TMEM38A: variants seen among roughly 807,000 people sequenced by gnomAD.
TMEM38A encodes transmembrane protein 38A.
A neutral mutation model predicts 28.6 loss-of-function variants in TMEM38A; 17 were observed. The observed-to-expected ratio is 0.60, with a 90% confidence interval of 0.41 to 0.89. The LOEUF (loss-of-function observed/expected upper bound fraction) is 0.89, where lower values mean the gene tolerates loss of function less well. Ranked by LOEUF, TMEM38A falls within the 40% of genes least tolerant of loss-of-function variation. The pLI is 0.00. For synonymous variants in TMEM38A, 169 were observed against 166.1 expected (o/e 1.02, Z -0.14); for missense variants, 328 against 393.1 (o/e 0.83, Z 1.40).
intron 4 of TMEM38A, 63 bp from the exon 5 acceptor site, chr19:16,686,225 G>A (rs1464006517): frequency 1.5e-6 from 2 of 1,303,100 alleles, no homozygotes; most frequent in Non-Finnish European, 2.2e-6. Context: ...GGGTGTCTGG[G>A]CCAGAGTTAT....
chr19:16,675,252 G>A (rs1252278374), intron 1 of TMEM38A, among the ~76,000 whole-genome samples: 1 of 152,082 alleles, frequency 6.6e-6, no homozygotes, highest in Non-Finnish European at 1.5e-5. Flanking sequence ...TTTATTTATT[G>A]AGATAGAGTC....
rs552157814 is a variant in TMEM38A, at chr19:16,687,256, C to T, written c.672+851C>T. ...CTGAGGCAGGAGAATCGCTTGAACCCGGGAGGTGGAGGTTGCAGTGAGCTA... is the reference window on the plus strand; with the variant it reads ...CTGAGGCAGGAGAATCGCTTGAACCTGGGAGGTGGAGGTTGCAGTGAGCTA... On this transcript the variant is annotated intron_variant, in intron 5 of 5. Transcript: ENST00000187762. Among the ~76,000 whole-genome samples, 18 of 152,150 alleles carry T rather than the reference C, an allele frequency of 1.2e-4. No individual in the cohort carries two copies. The East Asian group carries it at 1.9e-3, about 16-fold the overall frequency.
Position 16,688,306 on chromosome 19 carries a change from C to A in TMEM38A, c.835C>A (p.Pro279Thr). 1 of 1,609,268 alleles carries A rather than the reference C, an allele frequency of 6.2e-7. No homozygotes were observed. Residue 279 changes from proline (P) to threonine (T), a missense_variant, in exon 6 of 6, where the codon CCC becomes ACC. Transcript: ENST00000187762. The part of the protein sequence containing the change: ...GGPGAQHSAM[P>T]AKSKEELSEG... ...GCCAGGAGCTCAGCATTCGGCCATG[C>A]CCGCCAAGTCCAAGGAGGAGTTGAG...
intron 1 of TMEM38A, among the ~76,000 whole-genome samples, chr19:16,672,134 AGGGTGAG>A (rs1194699621): frequency 6.6e-6 from 1 of 152,174 alleles, no homozygotes; most frequent in Admixed American, 6.6e-5. Context: ...TCATAACTCC[AGGGTGAG>A]GTTAGAGGAG....
rs941898806 is a variant in TMEM38A, at chr19:16,680,360, G to T, written c.282-37G>T. 8 of 1,609,112 alleles carry T rather than the reference G, an allele frequency of 5.0e-6. No individual in the cohort carries two copies. The Admixed American group carries it at 1.0e-4, about 20-fold the overall frequency. ...TCCCTACCCCCATCCTTCACAGTCT[G>T]CCCATCCCCTGGCACTCACTGTTCT... is the stretch of plus-strand genomic sequence containing the variant. On this transcript the variant is annotated intron_variant, in intron 2 of 5. Transcript: ENST00000187762.
At chr19:16,673,932 G>GAA (rs112749120) in intron 1 of TMEM38A, among the ~76,000 whole-genome samples, 4 of 139,750 alleles carry the variant, frequency 2.9e-5, no homozygotes, top group Non-Finnish European at 6.3e-5. Context: ...TACAAAAAAA[G>GAA]AAAAAAAAAA....
intron 1 of TMEM38A, among the ~76,000 whole-genome samples, chr19:16,665,227 GA>G: frequency 6.6e-6 from 1 of 152,026 alleles, no homozygotes; most frequent in South Asian, 2.1e-4. Context: ...CTGGGAGGCA[GA>G]GGTTGCGGTG....
chr19:16,679,431 G>A (rs2086769864), intron 1 of TMEM38A, among the ~76,000 whole-genome samples: 1 of 151,964 alleles, frequency 6.6e-6, no homozygotes, highest in Non-Finnish European at 1.5e-5. Flanking sequence ...GAGTAGCTGG[G>A]ATTACAGGCA....
At chr19:16,664,500 T>G (rs1427354540) in intron 1 of TMEM38A, among the ~76,000 whole-genome samples, 1 of 152,156 alleles carries the variant, frequency 6.6e-6, no homozygotes, top group Non-Finnish European at 1.5e-5. Flanking sequence ...GTGCTGGGTA[T>G]CTGTAAATTT....
In TMEM38A at chr19:16,666,434, A is replaced by AT. The variant is rs992737721; in HGVS notation, c.124+5104dup. Among the ~76,000 whole-genome samples the AT allele has an allele frequency of 1.4e-4, 21 of 147,582 alleles. No individual in the cohort carries two copies. In the South Asian group the frequency reaches 1.9e-3, roughly 14 times the overall value. On this transcript the variant is annotated intron_variant, in intron 1 of 5. Coordinates refer to ENST00000187762, the MANE Select transcript of TMEM38A (RefSeq NM_024074.4). ...TCTTGGCCAATTTAACTTTAAAAAA[A>AT]TTTTTTTTTTTCGAGACAGGGTCTT... is the stretch of plus-strand genomic sequence containing the variant.
chr19:16,666,892 G>T (rs2086705286), intron 1 of TMEM38A, among the ~76,000 whole-genome samples: 1 of 151,494 alleles, frequency 6.6e-6, no homozygotes, highest in Non-Finnish European at 1.5e-5. Flanking sequence ...GATGGAGGTT[G>T]CAGTGAGCTG....
At chr19:16,678,211 A>G (rs567690260) in intron 1 of TMEM38A, among the ~76,000 whole-genome samples, 2 of 152,250 alleles carry the variant, frequency 1.3e-5, no homozygotes, top group South Asian at 4.1e-4. Flanking sequence ...TGGGCAGATC[A>G]CAAGGTCAAG....
intron 1 of TMEM38A, among the ~76,000 whole-genome samples, chr19:16,673,070 TTTTGTTTG>T (rs762139122): frequency 3.4e-4 from 51 of 151,998 alleles, no homozygotes; most frequent in South Asian, 6.2e-4. Flanking sequence ...TTCTTTTTCT[TTTTGTTTG>T]TTTGTTTGTT....
At chr19:16,674,695 A>G (rs188445998) in intron 1 of TMEM38A, among the ~76,000 whole-genome samples, 3 of 152,076 alleles carry the variant, frequency 2.0e-5, no homozygotes, top group African/African-American at 7.2e-5. Flanking sequence ...GCTAGTCGGG[A>G]GGCTGAGGCA....
chr19:16,675,197 T>C (rs943229197), intron 1 of TMEM38A, among the ~76,000 whole-genome samples: 3 of 152,142 alleles, frequency 2.0e-5, no homozygotes, highest in Non-Finnish European at 4.4e-5. Context: ...TGTCCTCATA[T>C]GGTAGACAGC....
chr19:16,684,322 A>G (rs2086793176), intron 4 of TMEM38A, among the ~76,000 whole-genome samples: 3 of 151,424 alleles, frequency 2.0e-5, no homozygotes, highest in African/African-American at 7.3e-5. Flanking sequence ...AAAAAAAAGA[A>G]AAAAAAAATT....
chr19:16,665,960 C>G (rs969490836), intron 1 of TMEM38A, among the ~76,000 whole-genome samples: 3 of 151,764 alleles, frequency 2.0e-5, no homozygotes, highest in South Asian at 2.1e-4. Flanking sequence ...AAGCATCCAC[C>G]ACCACACCCA....
In TMEM38A at chr19:16,680,159, G is replaced by A; in HGVS notation, c.281+19G>A. ...CTGTCTGGTAAGCCATGCTGGGCAT[G>A]GGAGAGCAGAGCCGGGTGGGGGAAA... On this transcript the variant is annotated intron_variant, in intron 2 of 5. Coordinates refer to ENST00000187762, the MANE Select transcript of TMEM38A (RefSeq NM_024074.4). 1.2e-6 allele frequency: 2 copies of A among 1,603,340 alleles called. No homozygotes were observed. Among genetic ancestry groups the A allele is most frequent in the African/African-American group, 1.3e-5 (1 of 74,992 alleles).
intron 1 of TMEM38A, among the ~76,000 whole-genome samples, chr19:16,665,871 C>T (rs80115061): frequency 0.056 from 8,472 of 150,934 alleles, 419 homozygotes; most frequent in East Asian, 0.25. Flanking sequence ...TGCAGTGGCA[C>T]GATCTCAGCT....
Sources: allele counts gnomAD v4.1 joint callset (sites outside exome capture counted in the v4.1 genomes callset), GRCh38; gene constraint gnomAD v4.1.1; transcripts MANE v1.5; gene names NCBI Gene and HGNC (gene_info 2026-07-23, HGNC 2026-07-21).